Variants in MAP3K19 observed in about 807,000 individuals in gnomAD.
MAP3K19 encodes mitogen-activated protein kinase kinase kinase 19, also known as SPS1/STE20-related protein kinase YSK4.
In MAP3K19, 91 loss-of-function variants were observed where a neutral mutation model predicts 114.4. The observed-to-expected ratio is 0.80, with a 90% CI of 0.67 to 0.95. The LOEUF is 0.95. Ranked by LOEUF, MAP3K19 falls within the 40% of genes least tolerant of loss-of-function variation. The pLI is 0.00. For synonymous variants in MAP3K19, 518 were observed against 530.5 expected, an observed-to-expected ratio of 0.98 and a Z score of 0.32; for missense variants, 1,471 against 1,573.2, an observed-to-expected ratio of 0.94 and a Z score of 1.10.
intron 12 of MAP3K19, among the ~76,000 whole-genome samples, chr2:134,966,300 T>G (rs1479707871): frequency 2.6e-5 from 4 of 152,140 alleles, no homozygotes; most frequent in Admixed American, 2.6e-4. Context: ...TTTTTTGGGG[T>G]TTTTTTGAGA....
chr2:134,982,983 T>C (rs962341205), intron 11 of MAP3K19, among the ~76,000 whole-genome samples: 10 of 152,256 alleles, frequency 6.6e-5, no homozygotes, highest in Admixed American at 5.9e-4. Flanking sequence ...AATACATGCA[T>C]AGAATGTGTA....
intron 11 of MAP3K19, chr2:134,983,319 A>C: frequency 1.8e-6 from 1 of 552,998 alleles, no homozygotes. Flanking sequence ...TTTCTTTCCC[A>C]TTGGACTTGA....
At chr2:135,035,898 G>T (rs1688514384) in intron 2 of MAP3K19, among the ~76,000 whole-genome samples, 4 of 152,066 alleles carry the variant, frequency 2.6e-5, no homozygotes, top group Admixed American at 2.0e-4. Context: ...GCAATGGCAC[G>T]ATCTCGGCTC....
chr2:135,023,590 C>T, intron 4 of MAP3K19: 1 of 520,052 alleles, frequency 1.9e-6, no homozygotes, highest in Non-Finnish European at 3.9e-6. Context: ...TCATCTTTGA[C>T]TCAAGTTTCT....
Position 134,986,848 on chromosome 2 carries a change from C to T in MAP3K19, c.2024G>A (p.Arg675Gln), listed in dbSNP as rs141304858. ...CGTGTTTTCATCCCTTTCAGTCTCT[C>T]GCACATGACAATAAACAGGGGTCCC... ...MFGTPVYCHVRETERDENTYY... is the reference protein window; with the variant it reads ...MFGTPVYCHVQETERDENTYY... Residue 675 changes from arginine (R) to glutamine (Q), a missense_variant, in exon 10 of 13, where the codon CGA becomes CAA. By Grantham distance (43) the Arg-to-Gln change is conservative. Transcript: ENST00000392915. The T allele has an allele frequency of 1.3e-3, 2,116 of 1,614,156 alleles. 5 individuals carry two copies. Among genetic ancestry groups the T allele is most frequent in the South Asian group, 4.0e-3 (365 of 91,078 alleles).
Position 134,964,706 on chromosome 2 carries a change from T to G in MAP3K19, c.*144A>C. ...AGGAGGCTAATATGTAACTGCAACT[T>G]TCAGTTAATGACTCCATAGGATCTG... On this transcript the variant is annotated 3_prime_UTR_variant, in exon 13 of 13. Transcript: ENST00000392915. 3.7e-6 allele frequency: 2 copies of G among 541,292 alleles called. No homozygotes were observed. Among genetic ancestry groups the G allele is most frequent in the Non-Finnish European group, 6.7e-6 (2 of 300,172 alleles). The allele number at this position is 541,292 out of a possible 1,614,324, so 33.5% of individuals were successfully genotyped here. A position where few individuals can be genotyped will look rare whatever the true frequency, so the allele number is the denominator to read the frequency against.
At chr2:135,031,902 G>T (rs6737635) in intron 2 of MAP3K19, among the ~76,000 whole-genome samples, 40,381 of 151,956 alleles carry the variant, frequency 0.27, 7,245 homozygotes, top group African/African-American at 0.49. Flanking sequence ...GTACTGCCAC[G>T]GCAGACCAGG....
chr2:135,012,524 T>G (rs1455811678), intron 5 of MAP3K19, among the ~76,000 whole-genome samples: 1 of 152,236 alleles, frequency 6.6e-6, no homozygotes, highest in Non-Finnish European at 1.5e-5. Flanking sequence ...AACCGTTTAT[T>G]TTTAATTTTC....
chr2:134,987,326 G>A lies in MAP3K19; in HGVS notation c.1546C>T (p.His516Tyr). Reference sequence around the variant, plus strand: ...TGGTGTACAGGTATGTTGACACTATGGTTGTTATGAATGGTTCCCTTTCTT... The same window carrying A: ...TGGTGTACAGGTATGTTGACACTATAGTTGTTATGAATGGTTCCCTTTCTT... ...QTRKGTIHNN[H>Y]SVNIPVHQEN... The change falls in exon 10 of 13, where the codon CAT (histidine) becomes TAT (tyrosine). Residue 516 changes from histidine to tyrosine, a missense_variant. His to Tyr is a moderately conservative substitution (Grantham distance 83). Transcript: ENST00000392915. 8.7e-6 allele frequency: 14 copies of A among 1,614,098 alleles called. No individual in the cohort carries two copies. Among genetic ancestry groups the A allele is most frequent in the Non-Finnish European group, 1.2e-5 (14 of 1,180,002 alleles).
At chr2:135,001,482 C>T (rs910343898) in intron 6 of MAP3K19, among the ~76,000 whole-genome samples, 8 of 152,120 alleles carry the variant, frequency 5.3e-5, no homozygotes, top group Non-Finnish European at 8.8e-5. Flanking sequence ...GTTTTAGAGA[C>T]GAAGAAACTG....
chr2:134,991,335 AACAAC>A, intron 9 of MAP3K19, 197 bp downstream of exon 9: 1 of 552,884 alleles, frequency 1.8e-6, no homozygotes, highest in Non-Finnish European at 3.2e-6. Context: ...AACAAAACAA[AACAAC>A]CGGTAGGCTA....
intron 3 of MAP3K19, among the ~76,000 whole-genome samples, chr2:135,026,711 A>T (rs955555977): frequency 6.6e-6 from 1 of 152,218 alleles, no homozygotes; most frequent in African/African-American, 2.4e-5. Flanking sequence ...TAATTTTAAG[A>T]TAACTTGAAA....
At chr2:135,022,049 C>T (rs780876964) in intron 4 of MAP3K19, among the ~76,000 whole-genome samples, 1 of 151,798 alleles carries the variant, frequency 6.6e-6, no homozygotes, top group Non-Finnish European at 1.5e-5. Flanking sequence ...TTTTTTAAGG[C>T]TTTGATGGTA....
At chr2:134,969,098 G>T (rs879717261) in intron 12 of MAP3K19, among the ~76,000 whole-genome samples, 1 of 152,176 alleles carries the variant, frequency 6.6e-6, no homozygotes, top group South Asian at 2.1e-4. Context: ...CTGCAATCCC[G>T]GCACCTTGGG....
At chr2:134,988,368 T>A in intron 9 of MAP3K19, 115 bp from the exon 10 acceptor site, 1 of 860,896 alleles carries the variant, frequency 1.2e-6, no homozygotes, top group Non-Finnish European at 1.7e-6. Flanking sequence ...CTTTTAAAGT[T>A]CAAAGCTATC....
At chr2:134,968,264 T>C (rs902415022) in intron 12 of MAP3K19, among the ~76,000 whole-genome samples, 3 of 152,140 alleles carry the variant, frequency 2.0e-5, no homozygotes, top group East Asian at 1.9e-4. Flanking sequence ...TACTTCTTTC[T>C]ACACAGACAC....
intron 8 of MAP3K19, among the ~76,000 whole-genome samples, chr2:134,996,913 G>T (rs989214566): frequency 2.6e-5 from 4 of 152,190 alleles, no homozygotes; most frequent in Admixed American, 2.6e-4. Context: ...GCCAGGCGTG[G>T]TGGCATGCAC....
chr2:134,968,414 C>A (rs1683557291), intron 12 of MAP3K19, among the ~76,000 whole-genome samples: 1 of 149,394 alleles, frequency 6.7e-6, no homozygotes, highest in African/African-American at 2.5e-5. Flanking sequence ...CAGAGGGGCT[C>A]CTCACATCCC....
chr2:135,014,144 G>C (rs1333217270), intron 5 of MAP3K19, among the ~76,000 whole-genome samples: 1 of 152,156 alleles, frequency 6.6e-6, no homozygotes, highest in Non-Finnish European at 1.5e-5. Context: ...CTTCAGGCCA[G>C]GAGTTCGAGA....
Sources: gnomAD v4.1 joint callset for allele counts (sites outside exome capture counted in the v4.1 genomes callset) on GRCh38, gnomAD v4.1.1 for gene constraint, MANE v1.5 for transcripts, NCBI Gene and HGNC (gene_info 2026-07-23, HGNC 2026-07-21) for gene names.